Variants in SLC1A2 observed in about 807,000 individuals in gnomAD.
SLC1A2 encodes solute carrier family 1 member 2.
A neutral mutation model predicts 48.8 loss-of-function variants in SLC1A2; 15 were observed. The ratio of observed to expected loss-of-function variants is 0.31; its 90% CI spans 0.21 to 0.47. The LOEUF (loss-of-function observed/expected upper bound fraction) is 0.47. Among genes scored for constraint, SLC1A2 ranks in the 20% least tolerant of loss-of-function variants. The pLI, the probability that SLC1A2 is intolerant of heterozygous loss-of-function variation, is 0.99. For synonymous variants in SLC1A2, 279 were observed against 272.6 expected (o/e 1.02, Z -0.23); for missense variants, 502 against 730.5 (o/e 0.69, Z 3.61).
chr11:35,301,493 T>C (rs2134799088), intron 6 of SLC1A2, 26 bp downstream of exon 6: 1 of 1,611,438 alleles, frequency 6.2e-7, no homozygotes, highest in East Asian at 2.2e-5. Context: ...AACCCACTGC[T>C]AAGAAGTAAG....
intron 1 of SLC1A2, chr11:35,380,687 G>A (rs918645544): frequency 2.0e-5 from 6 of 301,426 alleles, no homozygotes; most frequent in South Asian, 1.6e-4. Context: ...AAAGGGCTGC[G>A]TGAGTTGCTG....
chr11:35,341,568 G>A (rs1321507682), intron 1 of SLC1A2, among the ~76,000 whole-genome samples: 2 of 152,018 alleles, frequency 1.3e-5, no homozygotes, highest in Middle Eastern at 3.2e-3. Flanking sequence ...TAGCAATCAG[G>A]GCAGAGTAAG....
chr11:35,355,408 T>C (rs1360245422), intron 1 of SLC1A2, among the ~76,000 whole-genome samples: 1 of 152,190 alleles, frequency 6.6e-6, no homozygotes, highest in East Asian at 1.9e-4. Context: ...TCTGTGTTTT[T>C]CCATAATTCG....
At chr11:35,283,606 G>T (rs900778824) in intron 8 of SLC1A2, among the ~76,000 whole-genome samples, 4 of 152,082 alleles carry the variant, frequency 2.6e-5, no homozygotes, top group Non-Finnish European at 1.5e-5. Context: ...TCTCCCATCT[G>T]TAAGTTCCCA....
chr11:35,268,703 T>C (rs989483439), intron 9 of SLC1A2, among the ~76,000 whole-genome samples: 1 of 151,518 alleles, frequency 6.6e-6, no homozygotes, highest in Non-Finnish European at 1.5e-5. Context: ...ACAAAGAATA[T>C]ACTTTATAGA....
At chr11:35,352,517 T>G (rs1256501346) in intron 1 of SLC1A2, among the ~76,000 whole-genome samples, 2 of 152,206 alleles carry the variant, frequency 1.3e-5, no homozygotes, top group Admixed American at 1.3e-4. Flanking sequence ...GAGAGCATTT[T>G]CACCATCCCA....
chr11:35,299,460 T>C (rs1044063133), intron 6 of SLC1A2: 2 of 151,930 alleles, frequency 1.3e-5, no homozygotes, highest in African/African-American at 4.8e-5. Flanking sequence ...AAATCTAGCA[T>C]TGCCTGAGAA....
At position 35,354,110 on chromosome 11, in the gene SLC1A2, A is replaced by C. The variant is rs551989893; in HGVS notation, c.18-36594T>G. Among the ~76,000 whole-genome samples, 10 of 152,214 alleles carry C rather than the reference A, an allele frequency of 6.6e-5. No individual in the cohort carries two copies. The South Asian group carries it at 1.2e-3, about 19-fold the overall frequency. On this transcript the variant is annotated intron_variant, in intron 1 of 10. Transcript: ENST00000278379. ...AACACAAATCTATTACCAAATGGCAAAGGTATCCTATTAGTGGCATACTGG... is the reference window on the plus strand; with the variant it reads ...AACACAAATCTATTACCAAATGGCACAGGTATCCTATTAGTGGCATACTGG...
chr11:35,311,060 A>ACATTGTTCAATGTTTCT (rs1851673870), intron 4 of SLC1A2, among the ~76,000 whole-genome samples: 1 of 152,194 alleles, frequency 6.6e-6, no homozygotes, highest in African/African-American at 2.4e-5. Context: ...TGACTTTAAA[A>ACATTGTTCAATGTTTCT]CATTGTTCAA....
intron 1 of SLC1A2, among the ~76,000 whole-genome samples, chr11:35,337,824 G>A (rs913104928): frequency 1.1e-4 from 16 of 152,158 alleles, no homozygotes; most frequent in African/African-American, 3.6e-4. Context: ...TGAGTATGTG[G>A]AGGGGAAGCT....
intron 1 of SLC1A2, among the ~76,000 whole-genome samples, chr11:35,360,495 A>T (rs1853640121): frequency 6.6e-6 from 1 of 152,072 alleles, no homozygotes; most frequent in Non-Finnish European, 1.5e-5. Flanking sequence ...GTGACCATTA[A>T]CCATTTCATC....
At chr11:35,287,753 C>T (rs1398500506) in intron 7 of SLC1A2, among the ~76,000 whole-genome samples, 1 of 152,160 alleles carries the variant, frequency 6.6e-6, no homozygotes, top group Non-Finnish European at 1.5e-5. Flanking sequence ...AAATTGGAGA[C>T]CAATAAACAG....
intron 2 of SLC1A2, 108 bp downstream of exon 2, chr11:35,317,269 G>A (rs1007295671): frequency 1.2e-4 from 155 of 1,254,426 alleles, no homozygotes; most frequent in Admixed American, 4.9e-4. Context: ...GGCAAACCAC[G>A]TGGCTTCCTT....
chr11:35,310,050 C>A (rs1364406510), intron 4 of SLC1A2, among the ~76,000 whole-genome samples: 1 of 152,196 alleles, frequency 6.6e-6, no homozygotes, highest in Non-Finnish European at 1.5e-5. Flanking sequence ...GACTGCCCAT[C>A]CACCACAGCG....
intron 1 of SLC1A2, among the ~76,000 whole-genome samples, chr11:35,368,875 G>T (rs1443920337): frequency 2.0e-5 from 3 of 152,204 alleles, no homozygotes; most frequent in Admixed American, 2.0e-4. Flanking sequence ...CAGAGGTCTT[G>T]TCTAGCACCA....
At chr11:35,285,763 T>C (rs1850799551) in intron 8 of SLC1A2, 1 of 152,188 alleles carries the variant, frequency 6.6e-6, no homozygotes, top group African/African-American at 2.4e-5. Flanking sequence ...TTTTACAATA[T>C]ATTTCAAGGC....
chr11:35,393,019 AT>A (rs1854831637), intron 1 of SLC1A2, among the ~76,000 whole-genome samples: 1 of 152,212 alleles, frequency 6.6e-6, no homozygotes, highest in African/African-American at 2.4e-5. Flanking sequence ...AGGTGCTATC[AT>A]ACCTACTTTA....
chr11:35,281,145 A>C, intron 8 of SLC1A2, 144 bp from the exon 9 acceptor site: 1 of 1,182,830 alleles, frequency 8.5e-7, no homozygotes, highest in Non-Finnish European at 1.1e-6. Context: ...GGAATAGAGA[A>C]ATCTAAAGTA....
intron 1 of SLC1A2, among the ~76,000 whole-genome samples, chr11:35,382,826 G>A (rs1854473824): frequency 6.6e-6 from 1 of 152,042 alleles, no homozygotes; most frequent in African/African-American, 2.4e-5. Flanking sequence ...CTAAAGGGTA[G>A]GTGAATGATC....
Sources: allele counts gnomAD v4.1 joint callset (sites outside exome capture counted in the v4.1 genomes callset), GRCh38; gene constraint gnomAD v4.1.1; transcripts MANE v1.5; gene names NCBI Gene and HGNC (gene_info 2026-07-23, HGNC 2026-07-21).